The following LRRC37A2 variants were observed in gnomAD, a reference collection of about 807,000 sequenced individuals.
LRRC37A2 encodes the protein leucine rich repeat containing 37 member A2, also known as leucine-rich repeat-containing protein 37A2.
LRRC37A2 carries 9 observed loss-of-function variants against 68.8 expected under a neutral mutation model. That is an observed-to-expected ratio of 0.13 (90% confidence interval 0.08 to 0.23). The LOEUF (loss-of-function observed/expected upper bound fraction) is 0.23, where lower values mean the gene tolerates loss of function less well. Ranked by LOEUF, LRRC37A2 falls within the 10% of genes least tolerant of loss-of-function variation. The pLI is 1.00. For missense variants in LRRC37A2, 168 were observed against 950.4 expected (o/e 0.18, Z 10.82); for synonymous variants, 63 against 367.6 (o/e 0.17, Z 9.48).
the LRRC37A2 span, chr17:46,933,655 A>G: frequency 8.2e-6 from 1 of 122,242 alleles, no homozygotes; most frequent in Non-Finnish European, 1.7e-5. Flanking sequence ...TGGACAATTG[A>G]AACTGGAATT....
chr17:46,873,398 G>A, the LRRC37A2 span, among the ~76,000 whole-genome samples: 2 of 152,050 alleles, frequency 1.3e-5, no homozygotes, highest in Non-Finnish European at 2.9e-5. Flanking sequence ...AGCTACCCTC[G>A]GGAAGCATGC....
the LRRC37A2 span, among the ~76,000 whole-genome samples, chr17:46,907,754 G>C: frequency 1.3e-5 from 2 of 151,614 alleles, no homozygotes; most frequent in Non-Finnish European, 2.9e-5. Flanking sequence ...CAGCGGGGGG[G>C]GTGAGGCAGA....
the LRRC37A2 span, among the ~76,000 whole-genome samples, chr17:47,005,451 CA>C: frequency 3.3e-5 from 5 of 152,156 alleles, no homozygotes; most frequent in Admixed American, 6.6e-5. Context: ...TAGCCCTCTG[CA>C]GTGTTTTTTG....
the LRRC37A2 span, among the ~76,000 whole-genome samples, chr17:46,953,496 C>T: frequency 3.3e-5 from 5 of 151,946 alleles, no homozygotes; most frequent in East Asian, 5.8e-4. Flanking sequence ...TGAATAGTGC[C>T]GCAATAAACA....
At chr17:46,992,181 C>G in the LRRC37A2 span, among the ~76,000 whole-genome samples, 1 of 59,366 alleles carries the variant, frequency 1.7e-5, no homozygotes, top group Non-Finnish European at 4.7e-5. Context: ...GCCAACATGG[C>G]AAAAACCCCA....
the LRRC37A2 span, among the ~76,000 whole-genome samples, chr17:47,015,825 TAAG>T: frequency 6.6e-6 from 1 of 152,122 alleles, no homozygotes; most frequent in South Asian, 2.1e-4. Context: ...CTTCAAGCTT[TAAG>T]AAGTCTAGCT....
chr17:46,979,472 G>C, the LRRC37A2 span, among the ~76,000 whole-genome samples: 2 of 152,200 alleles, frequency 1.3e-5, no homozygotes, highest in Non-Finnish European at 2.9e-5. Context: ...CCCGCTGTCC[G>C]TTCTTGGCTA....
At chr17:47,006,077 CAGG>C in the LRRC37A2 span, among the ~76,000 whole-genome samples, 3 of 152,208 alleles carry the variant, frequency 2.0e-5, no homozygotes, top group African/African-American at 7.2e-5. Context: ...GAGCCTGAGG[CAGG>C]AGAATTGCTT....
At chr17:46,890,099 G>T in the LRRC37A2 span, among the ~76,000 whole-genome samples, 3 of 152,174 alleles carry the variant, frequency 2.0e-5, no homozygotes, top group Admixed American at 1.3e-4. Context: ...TCTTGGGTCT[G>T]CTCTATGTCT....
At chr17:46,839,389 G>A in the LRRC37A2 span, among the ~76,000 whole-genome samples, 4 of 152,174 alleles carry the variant, frequency 2.6e-5, no homozygotes, top group African/African-American at 7.2e-5. Flanking sequence ...CAGCACTGGC[G>A]TGGTGTCCAC....
chr17:46,761,814 T>C, the LRRC37A2 span, among the ~76,000 whole-genome samples: 2 of 152,246 alleles, frequency 1.3e-5, no homozygotes, highest in African/African-American at 4.8e-5. Context: ...TAAAACCAAC[T>C]TGTGGCATCT....
the LRRC37A2 span, chr17:46,722,102 G>T: frequency 6.2e-7 from 1 of 1,611,524 alleles, no homozygotes; most frequent in Non-Finnish European, 8.5e-7. Context: ...CTGGGAGATG[G>T]CCGGACTCGA....
chr17:46,955,473 TTC>T, the LRRC37A2 span: 1 of 152,184 alleles, frequency 6.6e-6, no homozygotes, highest in Non-Finnish European at 1.5e-5. Flanking sequence ...TGGTCTAAAA[TTC>T]TCTTTTTTTG....
At chr17:46,775,037 C>T in the LRRC37A2 span, among the ~76,000 whole-genome samples, 9 of 152,098 alleles carry the variant, frequency 5.9e-5, no homozygotes, top group Non-Finnish European at 1.0e-4. Flanking sequence ...GCAAAAGCCT[C>T]GGAAAGAGGG....
At chr17:46,548,973 T>G (rs1245207147) in exon 10 of LRRC37A2, 1 of 1,612,274 alleles carries the variant, frequency 6.2e-7, no homozygotes, top group Non-Finnish European at 8.5e-7. Flanking sequence ...TAACCCACGC[T>G]ATTTCCATTT....
At chr17:46,907,310 GGAA>G in the LRRC37A2 span, among the ~76,000 whole-genome samples, 1 of 152,286 alleles carries the variant, frequency 6.6e-6, no homozygotes, top group East Asian at 1.9e-4. Flanking sequence ...TTCCTTTGGA[GGAA>G]GAAGAAGCGG....
At chr17:46,984,927 A>G in the LRRC37A2 span, among the ~76,000 whole-genome samples, 2 of 152,324 alleles carry the variant, frequency 1.3e-5, no homozygotes, top group East Asian at 3.9e-4. Context: ...GGGAGGCCCA[A>G]GAGCCTTTGG....
the LRRC37A2 span, among the ~76,000 whole-genome samples, chr17:46,965,354 C>G: frequency 6.6e-6 from 1 of 152,210 alleles, no homozygotes; most frequent in South Asian, 2.1e-4. Flanking sequence ...CCTGTGCTGA[C>G]AAGAAGTGCT....
the LRRC37A2 span, among the ~76,000 whole-genome samples, chr17:46,739,333 T>C: frequency 7.7e-6 from 1 of 130,354 alleles, no homozygotes; most frequent in African/African-American, 3.0e-5. Context: ...ATCGCGCCAC[T>C]GCACTCCAGC....
Sources: allele counts gnomAD v4.1 joint callset (sites outside exome capture counted in the v4.1 genomes callset), GRCh38; gene constraint gnomAD v4.1.1; transcripts MANE v1.5; gene names NCBI Gene and HGNC (gene_info 2026-07-23, HGNC 2026-07-21).